Variants in WWOX observed in about 807,000 individuals in gnomAD.
WWOX encodes the protein WW domain containing oxidoreductase.
Under a neutral mutation model 46.2 loss-of-function variants are expected in WWOX, and 69 were observed. The ratio of observed to expected loss-of-function variants is 1.49; its 90% CI spans 1.23 to 1.82. The LOEUF (loss-of-function observed/expected upper bound fraction) is 1.82. Among genes scored for constraint, WWOX ranks in the 40% most tolerant of loss-of-function variants. The pLI is 0.00. For missense variants in WWOX, 919 were observed against 542.6 expected (o/e 1.69, Z -6.89); for synonymous variants, 359 against 202.6 (o/e 1.77, Z -6.56).
Position 78,473,244 on chromosome 16 carries a change from C to G in WWOX, c.1056+40492C>G, listed in dbSNP as rs138107193. Among the ~76,000 whole-genome samples the G allele has an allele frequency of 1.7e-3, 262 of 152,284 alleles. 1 individual carries two copies. The highest frequency in any genetic ancestry group is 5.8e-3 in the African/African-American group (240 of 41,554). On this transcript the variant is annotated intron_variant, in intron 8 of 8. Transcript: ENST00000566780. ...TCCCACGTTCAAGCGATTGTCCTGC[C>G]TCAGCCTCCCAAGTGGCTTGGAGTA...
At chr16:78,284,656 T>G (rs1224492457) in intron 5 of WWOX, among the ~76,000 whole-genome samples, 1 of 152,212 alleles carries the variant, frequency 6.6e-6, no homozygotes, top group Non-Finnish European at 1.5e-5. Context: ...AGAGAAATCA[T>G]CATACTAGCC....
rs55893195 is a variant in WWOX, at chr16:79,119,320, C to T, written c.1057-92288C>T. Reference sequence around the variant, plus strand: ...CAATTTATGGGCTACATTAACCCAGCATTTTGGATTGGAGGGTTTCTAAAG... The same window carrying T: ...CAATTTATGGGCTACATTAACCCAGTATTTTGGATTGGAGGGTTTCTAAAG... On this transcript the variant is annotated intron_variant, in intron 8 of 8. Coordinates refer to ENST00000566780, the MANE Select transcript of WWOX (RefSeq NM_016373.4). 7.9e-3 allele frequency among the ~76,000 whole-genome samples: 1,207 copies of T among 152,224 alleles called. 18 individuals are homozygous for T. The highest frequency in any genetic ancestry group is 0.027 in the African/African-American group (1,139 of 41,520).
chr16:78,210,088 T>A (rs1380447965), intron 5 of WWOX, among the ~76,000 whole-genome samples: 3 of 152,144 alleles, frequency 2.0e-5, no homozygotes, highest in Admixed American at 2.0e-4. Context: ...ACGTGTGAGC[T>A]GAAGTTCCAG....
chr16:78,605,633 A>G (rs114933105), intron 8 of WWOX, among the ~76,000 whole-genome samples: 2,407 of 152,292 alleles, frequency 0.016, 61 homozygotes, highest in African/African-American at 0.055. Context: ...AAATTTCTTT[A>G]TTTAGAAACT....
chr16:78,821,032 C>T (rs1341273505), intron 8 of WWOX, among the ~76,000 whole-genome samples: 3 of 152,174 alleles, frequency 2.0e-5, no homozygotes, highest in Admixed American at 2.0e-4. Flanking sequence ...ATCTTAATTA[C>T]ATTTGCAAAG....
chr16:78,155,107 G>A (rs191921966), intron 4 of WWOX, among the ~76,000 whole-genome samples: 44 of 152,110 alleles, frequency 2.9e-4, no homozygotes, highest in Admixed American at 6.5e-4. Flanking sequence ...TCTAGCTTTT[G>A]GACCTGTGAT....
intron 8 of WWOX, among the ~76,000 whole-genome samples, chr16:78,559,057 A>G (rs564206291): frequency 6.6e-6 from 1 of 152,326 alleles, no homozygotes; most frequent in Admixed American, 6.5e-5. Context: ...ACGTGGAAGG[A>G]CACATAGTTC....
rs776095114 is a variant in WWOX at position 78,378,684 on chromosome 16, TGA to T, written c.517-8172_517-8171del. On this transcript the variant is annotated intron_variant, in intron 5 of 8. Transcript: ENST00000566780. ...AGGTTTTAGAACATAAAATCAGGAC[TGA>T]GAGTATGTAAAGCGGAAGGGTGAGA... Among the ~76,000 whole-genome samples, 155 of 152,324 alleles carry T rather than the reference TGA, an allele frequency of 1.0e-3. 1 individual carries two copies. The highest frequency in any genetic ancestry group is 1.4e-3 in the Non-Finnish European group (92 of 68,028).
At chr16:78,247,319 T>C (rs1043211118) in intron 5 of WWOX, among the ~76,000 whole-genome samples, 4 of 152,180 alleles carry the variant, frequency 2.6e-5, no homozygotes, top group African/African-American at 9.7e-5. Context: ...ATTAATACTT[T>C]TAAGTCCTTA....
At chr16:79,070,979 A>G (rs1189706878) in intron 8 of WWOX, among the ~76,000 whole-genome samples, 1 of 152,118 alleles carries the variant, frequency 6.6e-6, no homozygotes, top group African/African-American at 2.4e-5. Flanking sequence ...CCCTACCCCC[A>G]CATACTTTGG....
intron 8 of WWOX, among the ~76,000 whole-genome samples, chr16:78,661,549 T>C (rs2047213629): frequency 1.3e-5 from 2 of 152,144 alleles, no homozygotes; most frequent in South Asian, 2.1e-4. Flanking sequence ...GGCATCTTCT[T>C]GTAAGGTGTT....
intron 8 of WWOX, among the ~76,000 whole-genome samples, chr16:78,915,904 A>G (rs953976653): frequency 6.6e-6 from 1 of 152,220 alleles, no homozygotes; most frequent in African/African-American, 2.4e-5. Context: ...CTGAATTTTA[A>G]TTTGCTATTT....
intron 5 of WWOX, among the ~76,000 whole-genome samples, chr16:78,169,236 TAAG>T (rs2035070301): frequency 6.6e-6 from 1 of 152,202 alleles, no homozygotes; most frequent in Non-Finnish European, 1.5e-5. Flanking sequence ...GCTGGTGGAA[TAAG>T]ATGTTTTCCT....
intron 8 of WWOX, among the ~76,000 whole-genome samples, chr16:78,504,803 T>C (rs1279265080): frequency 6.6e-6 from 1 of 152,008 alleles, no homozygotes; most frequent in Non-Finnish European, 1.5e-5. Flanking sequence ...AGCTTATGCA[T>C]CCGTGCTCAG....
chr16:79,183,664 A>T (rs937804957), intron 8 of WWOX, among the ~76,000 whole-genome samples: 1 of 152,298 alleles, frequency 6.6e-6, no homozygotes, highest in East Asian at 1.9e-4. Context: ...TCAAATAACT[A>T]TGTGTGAACT....
chr16:78,927,721 G>A (rs1475465827), intron 8 of WWOX, among the ~76,000 whole-genome samples: 3 of 152,122 alleles, frequency 2.0e-5, no homozygotes, highest in Admixed American at 2.0e-4. Context: ...TGGTGCCTGG[G>A]CTTGTATCTT....
intron 8 of WWOX, among the ~76,000 whole-genome samples, chr16:79,169,680 A>T (rs144179225): frequency 2.0e-3 from 304 of 152,316 alleles, no homozygotes; most frequent in African/African-American, 6.9e-3. Context: ...TGTCCAAGAC[A>T]AATTGCAGTT....
At chr16:78,351,337 A>G (rs936423690) in intron 5 of WWOX, among the ~76,000 whole-genome samples, 9 of 152,230 alleles carry the variant, frequency 5.9e-5, no homozygotes, top group Non-Finnish European at 1.3e-4. Flanking sequence ...ATAATTCCGC[A>G]GAAAAAAGTA....
intron 5 of WWOX, among the ~76,000 whole-genome samples, chr16:78,171,831 T>C (rs7189984): frequency 0.14 from 21,698 of 152,226 alleles, 1,859 homozygotes; most frequent in East Asian, 0.22. Flanking sequence ...AATAAGCGCA[T>C]GCTCACAAAG....
Sources: allele counts gnomAD v4.1 joint callset (sites outside exome capture counted in the v4.1 genomes callset), GRCh38; gene constraint gnomAD v4.1.1; transcripts MANE v1.5; gene names NCBI Gene and HGNC (gene_info 2026-07-23, HGNC 2026-07-21).